Variants in DPP6 observed in about 807,000 individuals in gnomAD.
DPP6 encodes the protein A-type potassium channel modulatory protein DPP6.
DPP6 carries 69 observed loss-of-function variants against 122.6 expected under a neutral mutation model. The observed-to-expected ratio is 0.56, with a 90% CI of 0.46 to 0.69. The LOEUF is 0.69. DPP6 is among the 30% of genes least tolerant of loss of function. The pLI is 0.00. For synonymous variants in DPP6, 418 were observed against 433.1 expected (o/e 0.97, Z 0.43); for missense variants, 928 against 1,116.9 (o/e 0.83, Z 2.41).
At chr7:154,615,159 T>C (rs1304303506) in intron 5 of DPP6, among the ~76,000 whole-genome samples, 1 of 152,186 alleles carries the variant, frequency 6.6e-6, no homozygotes, top group Non-Finnish European at 1.5e-5. Flanking sequence ...ATCTTTATCA[T>C]GGGTAGATTT....
intron 1 of DPP6, among the ~76,000 whole-genome samples, chr7:154,104,987 G>A (rs1340395281): frequency 6.6e-6 from 1 of 152,224 alleles, no homozygotes; most frequent in Non-Finnish European, 1.5e-5. Flanking sequence ...TTGAGGCTGG[G>A]AGTGGTGGCA....
At chr7:154,061,457 A>G (rs1188994507) in intron 1 of DPP6, among the ~76,000 whole-genome samples, 23 of 147,104 alleles carry the variant, frequency 1.6e-4, no homozygotes, top group Admixed American at 6.1e-4. Context: ...GGGTTGCTAA[A>G]GGATGGCCCC....
At chr7:154,564,344 G>A (rs909558956) in intron 4 of DPP6, among the ~76,000 whole-genome samples, 10 of 152,094 alleles carry the variant, frequency 6.6e-5, no homozygotes, top group Non-Finnish European at 1.5e-4. Flanking sequence ...TGTCTAAAAC[G>A]TGGATAGTAA....
chr7:154,169,490 C>CT (rs1207112291), intron 1 of DPP6, among the ~76,000 whole-genome samples: 5 of 152,104 alleles, frequency 3.3e-5, no homozygotes, highest in Non-Finnish European at 7.3e-5. Context: ...AGCTATGGGA[C>CT]TTTAGAGAGG....
At chr7:154,705,140 A>G (rs1840756839) in intron 7 of DPP6, among the ~76,000 whole-genome samples, 1 of 152,216 alleles carries the variant, frequency 6.6e-6, no homozygotes, top group Non-Finnish European at 1.5e-5. Flanking sequence ...GGGAGAAGGG[A>G]GGGCATAGAA....
In DPP6 at chr7:154,803,876, A is replaced by G. The variant is rs1228870414; in HGVS notation, c.1420A>G (p.Asn474Asp). Residue 474 changes from asparagine (N) to aspartate (D), a missense_variant, in exon 14 of 26, where the codon AAC becomes GAC. By Grantham distance (23) the Asn-to-Asp change is conservative. Coordinates refer to ENST00000377770, the MANE Select transcript of DPP6 (RefSeq NM_130797.4). Reference sequence around the variant, plus strand: ...CTGTGTGTTTCAGCCCAACAGCAGCAACGACAACATCCAGTCCATCACCTC... The same window carrying G: ...CTGTGTGTTTCAGCCCAACAGCAGCGACGACAACATCCAGTCCATCACCTC... ...TVSSSQPNSS[N>D]DNIQSITSGD... 1 of 1,613,762 alleles carries G rather than the reference A, an allele frequency of 6.2e-7. No individual in the cohort carries two copies. The highest frequency in any genetic ancestry group is 8.5e-7 in the Non-Finnish European group (1 of 1,179,720).
rs115941791 is a variant in DPP6, at chr7:154,818,429, C to T, written c.1666+11317C>T. 7.5e-3 allele frequency among the ~76,000 whole-genome samples: 1,149 copies of T among 152,268 alleles called. 12 individuals are homozygous for T. The highest frequency in any genetic ancestry group is 0.026 in the African/African-American group (1,081 of 41,540). Reference sequence around the variant, plus strand: ...TAAGCAGGCATGCCCTTTGCATGATCCCAACATAGGAATTAAATATTCTAC... The same window carrying T: ...TAAGCAGGCATGCCCTTTGCATGATTCCAACATAGGAATTAAATATTCTAC... On this transcript the variant is annotated intron_variant, in intron 16 of 25. Transcript: ENST00000377770.
chr7:154,068,920 T>G (rs1451545408), intron 1 of DPP6, among the ~76,000 whole-genome samples: 2 of 67,858 alleles, frequency 2.9e-5, no homozygotes, highest in Non-Finnish European at 5.7e-5. Context: ...ATTGTCAGAT[T>G]ACATTGAGGT....
chr7:154,524,818 A>G (rs1365826425), intron 3 of DPP6, among the ~76,000 whole-genome samples: 1 of 152,142 alleles, frequency 6.6e-6, no homozygotes, highest in Non-Finnish European at 1.5e-5. Flanking sequence ...GCCATTTACA[A>G]TCTACCATGG....
chr7:154,666,615 A>G (rs948519288), intron 6 of DPP6, among the ~76,000 whole-genome samples: 4 of 152,016 alleles, frequency 2.6e-5, no homozygotes, highest in Non-Finnish European at 5.9e-5. Context: ...CTCCTGTCTA[A>G]CTGAAACTTT....
rs544547680 is a variant in DPP6, at chr7:154,855,628, G to A, written c.1714+1801G>A. 8.5e-5 allele frequency among the ~76,000 whole-genome samples: 13 copies of A among 152,298 alleles called. No homozygotes were observed. The South Asian group carries it at 2.3e-3, about 27-fold the overall frequency. On this transcript the variant is annotated intron_variant, in intron 17 of 25. Coordinates refer to ENST00000377770, the MANE Select transcript of DPP6 (RefSeq NM_130797.4). Reference sequence around the variant, plus strand: ...CACCCACCCTCTGCCCACTCTAAGGGGCACGAGGCTGTGAAGGGCCCTCCA... The same window carrying A: ...CACCCACCCTCTGCCCACTCTAAGGAGCACGAGGCTGTGAAGGGCCCTCCA...
chr7:154,197,763 TA>T lies in DPP6; in HGVS notation c.243+144701del, dbSNP rs1204638424. Among the ~76,000 whole-genome samples, 4 of 152,206 alleles carry T rather than the reference TA, an allele frequency of 2.6e-5. No individual in the cohort carries two copies. In the East Asian group the frequency reaches 5.8e-4, roughly 22 times the overall value. On this transcript the variant is annotated intron_variant, in intron 1 of 25. Transcript: ENST00000377770. ...TCAATAATGTTCAATTAATATAGAT[TA>T]TGTCACTAAGTAGTTAATTTAGAAT...
intron 1 of DPP6, among the ~76,000 whole-genome samples, chr7:154,136,225 T>A (rs1372054151): frequency 6.6e-6 from 1 of 152,226 alleles, no homozygotes; most frequent in Non-Finnish European, 1.5e-5. Context: ...GATTGTTGTT[T>A]AATGACAGTC....
At chr7:153,832,897 G>A in the DPP6 span, among the ~76,000 whole-genome samples, 1,048 of 152,248 alleles carry the variant, frequency 6.9e-3, 19 homozygotes, top group African/African-American at 0.024. Flanking sequence ...TAGAGATAGT[G>A]TACTGTAGAA....
intron 1 of DPP6, among the ~76,000 whole-genome samples, chr7:154,265,076 A>ACAG (rs1803321278): frequency 1.8e-3 from 2 of 1,138 alleles, no homozygotes; most frequent in Non-Finnish European, 0.012. Context: ...GTTAATGGTG[A>ACAG]TGATGATGGT....
At chr7:154,290,480 C>A (rs567023902) in intron 1 of DPP6, among the ~76,000 whole-genome samples, 2 of 152,086 alleles carry the variant, frequency 1.3e-5, no homozygotes, top group Non-Finnish European at 2.9e-5. Context: ...CTCCCTGCCA[C>A]CCCCCTGCCT....
At chr7:154,383,707 T>C (rs980082136) in intron 1 of DPP6, among the ~76,000 whole-genome samples, 3 of 151,924 alleles carry the variant, frequency 2.0e-5, no homozygotes, top group Admixed American at 6.6e-5. Context: ...CTGGCCAACA[T>C]GGTGAAACCC....
At position 153,998,023 on chromosome 7, in the gene DPP6, C is replaced by T. The variant is rs538098390; in HGVS notation, c.51+110289C>T. Among the ~76,000 whole-genome samples the T allele has an allele frequency of 2.4e-3, 361 of 151,366 alleles. 7 individuals are homozygous for T. Among genetic ancestry groups the T allele is most frequent in the African/African-American group, 8.5e-3 (347 of 40,790 alleles). On this transcript the variant is annotated intron_variant, in intron 1 of 25. Transcript: ENST00000404039. Reference sequence around the variant, plus strand: ...AGGTCCAGCACCATCAGGATGTCTCCACGAAGGTGACAGTGTCTTGTCTAG... The same window carrying T: ...AGGTCCAGCACCATCAGGATGTCTCTACGAAGGTGACAGTGTCTTGTCTAG...
At chr7:153,889,981 A>G (rs937456863) in intron 1 of DPP6, among the ~76,000 whole-genome samples, 4 of 152,198 alleles carry the variant, frequency 2.6e-5, no homozygotes, top group African/African-American at 9.6e-5. Flanking sequence ...CCCATGCCTA[A>G]TCTCTCAAGT....
Sources: gnomAD v4.1 joint callset for allele counts (sites outside exome capture counted in the v4.1 genomes callset) on GRCh38, gnomAD v4.1.1 for gene constraint, MANE v1.5 for transcripts, NCBI Gene and HGNC (gene_info 2026-07-23, HGNC 2026-07-21) for gene names.